The following USH2A variants were observed in gnomAD, a reference collection of about 807,000 sequenced individuals.
USH2A encodes the protein Usher syndrome 2A (autosomal recessive, mild).
In USH2A, 443 loss-of-function variants were observed where a neutral mutation model predicts 538.9. That is an observed-to-expected ratio of 0.82 (90% CI 0.76 to 0.89). USH2A has a LOEUF of 0.89. USH2A is among the 40% of genes least tolerant of loss of function. The pLI is 0.00. For synonymous variants in USH2A, 2,413 were observed against 2,273.5 expected, an observed-to-expected ratio of 1.06 and a Z score of -1.75; for missense variants, 6,633 against 6,324.8, an observed-to-expected ratio of 1.05 and a Z score of -1.65.
chr1:215,654,693 T>A (rs1040299846), intron 64 of USH2A, among the ~76,000 whole-genome samples: 4 of 152,214 alleles, frequency 2.6e-5, no homozygotes, highest in African/African-American at 9.6e-5. Flanking sequence ...GCATAAAAAC[T>A]AAAATTGTTT....
At chr1:215,778,306 C>A (rs1463205951) in intron 55 of USH2A, among the ~76,000 whole-genome samples, 1 of 152,122 alleles carries the variant, frequency 6.6e-6, no homozygotes, top group Admixed American at 6.6e-5. Flanking sequence ...GCTGCCTCGG[C>A]GTCCCAAAGT....
In USH2A at chr1:216,336,166, G is replaced by A. The variant is rs141365406; in HGVS notation, c.785-8512C>T. On this transcript the variant is annotated intron_variant, in intron 4 of 71. Transcript: ENST00000307340. ...ACTTGGAAAAATAAAGGACAAAAACGTCATGATCATCTTAATAGCTACATA... is the reference window on the plus strand; with the variant it reads ...ACTTGGAAAAATAAAGGACAAAAACATCATGATCATCTTAATAGCTACATA... Among the ~76,000 whole-genome samples the A allele has an allele frequency of 2.7e-3, 415 of 151,340 alleles. 3 individuals carry two copies. Among genetic ancestry groups the A allele is most frequent in the African/African-American group, 9.3e-3 (387 of 41,414 alleles).
intron 32 of USH2A, among the ~76,000 whole-genome samples, chr1:216,043,615 G>C (rs1051218958): frequency 2.0e-5 from 3 of 151,994 alleles, no homozygotes; most frequent in South Asian, 4.1e-4. Context: ...TCTTTCTTCA[G>C]GGCCTATAGT....
chr1:216,205,486 A>G (rs1440145459), intron 16 of USH2A, among the ~76,000 whole-genome samples: 1 of 152,204 alleles, frequency 6.6e-6, no homozygotes, highest in Non-Finnish European at 1.5e-5. Flanking sequence ...GGTGGACATA[A>G]GAAACTAAAT....
At chr1:215,921,545 C>A (rs1274615811) in intron 38 of USH2A, among the ~76,000 whole-genome samples, 2 of 152,020 alleles carry the variant, frequency 1.3e-5, no homozygotes, top group Non-Finnish European at 2.9e-5. Flanking sequence ...AGAGTCAAGT[C>A]ACCTCTTCAG....
rs978006371 is a variant in USH2A, at chr1:215,736,708, C to A, written c.11711+4667G>T. On this transcript the variant is annotated intron_variant, in intron 60 of 71. Coordinates refer to ENST00000307340, the MANE Select transcript of USH2A (RefSeq NM_206933.4). ...AAGAATTTATAATATATTATACATA[C>A]CCCTCCCAAATAGAAGATAAATATT... Among the ~76,000 whole-genome samples, 4 of 151,754 alleles carry A rather than the reference C, an allele frequency of 2.6e-5. No individual in the cohort carries two copies. The East Asian group carries it at 7.7e-4, about 29-fold the overall frequency.
chr1:216,380,590 AT>A (rs1019623077), intron 3 of USH2A, among the ~76,000 whole-genome samples: 20 of 152,320 alleles, frequency 1.3e-4, no homozygotes, highest in African/African-American at 4.1e-4. Flanking sequence ...ACAGAAAAAA[AT>A]ATCACTGACT....
intron 61 of USH2A, among the ~76,000 whole-genome samples, chr1:215,685,222 G>T (rs72739286): frequency 4.6e-5 from 7 of 151,860 alleles, no homozygotes; most frequent in Admixed American, 3.3e-4. Flanking sequence ...AATTTGAGGC[G>T]TGGATTCTGC....
Position 215,794,059 on chromosome 1 carries a change from T to C in USH2A, c.9959-3777A>G, listed in dbSNP as rs190318715. On this transcript the variant is annotated intron_variant, in intron 50 of 71. Coordinates refer to ENST00000307340, the MANE Select transcript of USH2A (RefSeq NM_206933.4). Reference sequence around the variant, plus strand: ...TTCAAAGAAAATGGCTAAGAATACATATCCACTGAAATGACACGCATGACT... The same window carrying C: ...TTCAAAGAAAATGGCTAAGAATACACATCCACTGAAATGACACGCATGACT... Among the ~76,000 whole-genome samples, 152 of 152,114 alleles carry C rather than the reference T, an allele frequency of 1.0e-3. 1 individual carries two copies. Among genetic ancestry groups the C allele is most frequent in the South Asian group, 2.1e-4 (1 of 4,820 alleles).
At chr1:216,005,968 A>G (rs979496714) in intron 32 of USH2A, among the ~76,000 whole-genome samples, 1 of 152,146 alleles carries the variant, frequency 6.6e-6, no homozygotes, top group African/African-American at 2.4e-5. Flanking sequence ...TTAAAAGAAG[A>G]TATGCCCCAA....
intron 14 of USH2A, among the ~76,000 whole-genome samples, chr1:216,220,939 A>T (rs575718179): frequency 6.6e-6 from 1 of 152,312 alleles, no homozygotes; most frequent in South Asian, 2.1e-4. Context: ...GGGATTTTAG[A>T]TAAGGATTAT....
intron 37 of USH2A, among the ~76,000 whole-genome samples, chr1:215,958,923 T>A (rs2102448661): frequency 6.6e-6 from 1 of 152,164 alleles, no homozygotes; most frequent in Non-Finnish European, 1.5e-5. Context: ...AAGAAGAAAG[T>A]TAAATTTAAC....
Position 216,394,788 on chromosome 1 carries a change from C to G in USH2A, c.651+23726G>C, listed in dbSNP as rs530648309. On this transcript the variant is annotated intron_variant, in intron 3 of 71. Coordinates refer to ENST00000307340, the MANE Select transcript of USH2A (RefSeq NM_206933.4). ...GGCTGGAGTGCAGTGGCGCGATCTC[C>G]GCTCACTGCAAGCTCCGCCTCCCGG... Among the ~76,000 whole-genome samples, 411 of 134,216 alleles carry G rather than the reference C, an allele frequency of 3.1e-3. 5 individuals are homozygous for G. The highest frequency in any genetic ancestry group is 0.01 in the African/African-American group (382 of 37,446). 88.1% of individuals were successfully genotyped at this position (134,216 alleles called of 152,430 possible). A position where few individuals can be genotyped will look rare whatever the true frequency, so the allele number is the denominator to read the frequency against.
chr1:216,136,976 T>C (rs1024659389), intron 21 of USH2A, among the ~76,000 whole-genome samples: 1 of 152,206 alleles, frequency 6.6e-6, no homozygotes, highest in Non-Finnish European at 1.5e-5. Flanking sequence ...AGCTACCTGA[T>C]GCAGTCATGC....
chr1:216,241,346 A>G (rs1357513065), intron 13 of USH2A, among the ~76,000 whole-genome samples: 3 of 152,216 alleles, frequency 2.0e-5, no homozygotes, highest in African/African-American at 4.8e-5. Context: ...ATGATAAGGC[A>G]GGGCTCTTTA....
intron 21 of USH2A, among the ~76,000 whole-genome samples, chr1:216,163,680 T>C (rs768088475): frequency 6.6e-6 from 1 of 152,012 alleles, no homozygotes; most frequent in Non-Finnish European, 1.5e-5. Flanking sequence ...ATTGAGGCTT[T>C]ATCTGAGGAA....
At chr1:216,064,689 T>G (rs1238299387) in intron 30 of USH2A, among the ~76,000 whole-genome samples, 1 of 152,036 alleles carries the variant, frequency 6.6e-6, no homozygotes, top group East Asian at 1.9e-4. Flanking sequence ...TGTTTTGATC[T>G]GTTTAGATAC....
chr1:215,851,729 A>G (rs184981441), intron 44 of USH2A, among the ~76,000 whole-genome samples: 82 of 152,210 alleles, frequency 5.4e-4, no homozygotes, highest in Non-Finnish European at 8.5e-4. Context: ...AGGAAAGGAC[A>G]TGACAAAAAA....
chr1:216,076,256 T>C lies in USH2A; in HGVS notation c.5572+1833A>G, dbSNP rs187059604. ...CCAGCTACCATACGTCAATATTTTT[T>C]CAGTGTTTTGAGACCACTGATATGG... On this transcript the variant is annotated intron_variant, in intron 27 of 71. Transcript: ENST00000307340. Among the ~76,000 whole-genome samples, 370 of 152,320 alleles carry C rather than the reference T, an allele frequency of 2.4e-3. 1 individual carries two copies. The highest frequency in any genetic ancestry group is 4.0e-3 in the Non-Finnish European group (269 of 68,016).
Sources: gnomAD v4.1 joint callset for allele counts (sites outside exome capture counted in the v4.1 genomes callset) on GRCh38, gnomAD v4.1.1 for gene constraint, MANE v1.5 for transcripts, NCBI Gene and HGNC (gene_info 2026-07-23, HGNC 2026-07-21) for gene names.